The following CACNG4 variants were observed in gnomAD, a reference collection of about 807,000 sequenced individuals.
CACNG4 encodes the protein calcium voltage-gated channel auxiliary subunit gamma 4, also known as voltage-dependent calcium channel gamma-4 subunit.
Under a neutral mutation model 22.9 loss-of-function variants are expected in CACNG4, and 8 were observed. That is an observed-to-expected ratio of 0.35 (90% CI 0.21 to 0.63). The LOEUF (loss-of-function observed/expected upper bound fraction) is 0.63. Ranked by LOEUF, CACNG4 falls within the 30% of genes least tolerant of loss-of-function variation. CACNG4 has a pLI of 0.72. For synonymous variants in CACNG4, 188 were observed against 191.9 expected (o/e 0.98, Z 0.17); for missense variants, 357 against 455.4 (o/e 0.78, Z 1.97).
chr17:66,999,335 C>G (rs2035393713), intron 1 of CACNG4, among the ~76,000 whole-genome samples: 1 of 152,152 alleles, frequency 6.6e-6, no homozygotes. Flanking sequence ...AGCTCCCTGA[C>G]CCCAGGGCAC....
chr17:67,023,337 G>A (rs537645124), intron 2 of CACNG4, among the ~76,000 whole-genome samples: 10 of 140,848 alleles, frequency 7.1e-5, no homozygotes, highest in African/African-American at 2.6e-4. Context: ...GTGCAGTGGC[G>A]CGATCTTGGC....
chr17:67,000,102 C>T (rs150821173), intron 1 of CACNG4, among the ~76,000 whole-genome samples: 39 of 152,302 alleles, frequency 2.6e-4, no homozygotes, highest in African/African-American at 7.9e-4. Flanking sequence ...CTGGCTTCCA[C>T]GCAGCCTTCC....
rs116056395 is a variant in CACNG4, at chr17:66,993,256, G to A, written c.221-24933G>A. Among the ~76,000 whole-genome samples the A allele has an allele frequency of 8.2e-3, 1,244 of 152,350 alleles. 20 individuals are homozygous for A. The highest frequency in any genetic ancestry group is 0.028 in the African/African-American group (1,172 of 41,574). ...GGTTTTCCATCATTTATTAATGAGC[G>A]TTGGCAGCGGTCCTGTGAATTAAGG... On this transcript the variant is annotated intron_variant, in intron 1 of 3. Coordinates refer to ENST00000262138, the MANE Select transcript of CACNG4 (RefSeq NM_014405.4).
rs763385383 is a variant in CACNG4 at position 67,018,145 on chromosome 17, C to T, written c.221-44C>T. On this transcript the variant is annotated intron_variant, in intron 1 of 3. Transcript: ENST00000262138. ...TGTCTGGAGTGAACGGATGAGTGAA[C>T]CCAGACAGCATTTACAGTGTTCTTT... is the stretch of plus-strand genomic sequence containing the variant. 5 of 1,447,888 alleles carry T rather than the reference C, an allele frequency of 3.5e-6. No homozygotes were observed. The African/African-American group carries it at 4.2e-5, about 12-fold the overall frequency. The allele number at this position is 1,447,888 out of a possible 1,614,324, so 89.7% of individuals were successfully genotyped here.
chr17:67,031,072 T>A lies in CACNG4; in HGVS notation c.*68T>A, dbSNP rs1323186029. ...GCTCTTTTTGTCACACAGGATGGCA[T>A]GTGATCCTCAAGACGACGAACAATG... On this transcript the variant is annotated 3_prime_UTR_variant, in exon 4 of 4. Coordinates refer to ENST00000262138, the MANE Select transcript of CACNG4 (RefSeq NM_014405.4). This position sits in a 1 kb window ranked among gnomAD's most constrained non-coding sequence, Gnocchi z 4.0. The A allele has an allele frequency of 6.6e-7, 1 of 1,505,700 alleles. No individual in the cohort carries two copies. The highest frequency in any genetic ancestry group is 1.4e-5 in the African/African-American group (1 of 71,982). 93.3% of individuals were successfully genotyped at this position (1,505,700 alleles called of 1,614,324 possible).
intron 1 of CACNG4, among the ~76,000 whole-genome samples, chr17:66,965,808 C>G (rs1250853833): frequency 6.6e-6 from 1 of 152,104 alleles, no homozygotes; most frequent in Non-Finnish European, 1.5e-5. Context: ...CGACGCCCGC[C>G]TCGTCTCCCA....
chr17:66,976,758 C>T (rs1346568529), intron 1 of CACNG4, among the ~76,000 whole-genome samples: 2 of 152,132 alleles, frequency 1.3e-5, no homozygotes, highest in East Asian at 3.9e-4. Flanking sequence ...CCACACAGGA[C>T]ACAGTGACTT....
Position 67,030,387 on chromosome 17 carries a change from A to T in CACNG4, c.446-79A>T. On this transcript the variant is annotated intron_variant, in intron 3 of 3. Transcript: ENST00000262138. This position sits in a 1 kb window ranked among gnomAD's most constrained non-coding sequence, Gnocchi z 6.4. ...AGGGGAGTGTCCACCTGTTCCCTAC[A>T]CTGCCCGTCCCACTGTGGGTCTAAC... 7.9e-7 allele frequency: 1 copy of T among 1,261,104 alleles called. No homozygotes were observed. Among genetic ancestry groups the T allele is most frequent in the Non-Finnish European group, 1.1e-6 (1 of 883,404 alleles). The allele number at this position is 1,261,104 out of a possible 1,614,324, so 78.1% of individuals were successfully genotyped here. A position where few individuals can be genotyped will look rare whatever the true frequency, so the allele number is the denominator to read the frequency against.
intron 1 of CACNG4, among the ~76,000 whole-genome samples, chr17:66,968,038 A>G (rs2035180892): frequency 6.6e-6 from 1 of 152,194 alleles, no homozygotes; most frequent in Non-Finnish European, 1.5e-5. Flanking sequence ...AGCCTTGTGC[A>G]CATTACCGCG....
intron 1 of CACNG4, among the ~76,000 whole-genome samples, chr17:67,000,092 C>T (rs2035399207): frequency 6.6e-6 from 1 of 152,186 alleles, no homozygotes; most frequent in Non-Finnish European, 1.5e-5. Flanking sequence ...CTATTTCCAC[C>T]TGGCTTCCAC....
At chr17:67,007,522 G>C (rs1414476153) in intron 1 of CACNG4, among the ~76,000 whole-genome samples, 2 of 151,918 alleles carry the variant, frequency 1.3e-5, no homozygotes, top group African/African-American at 2.4e-5. Flanking sequence ...GATATGAAAG[G>C]TTGTAAAAAT....
At chr17:66,989,013 A>AGCGACTTTGGG (rs1555577221) in intron 1 of CACNG4, among the ~76,000 whole-genome samples, 1 of 145,730 alleles carries the variant, frequency 6.9e-6, no homozygotes, top group African/African-American at 2.6e-5. Context: ...GTGAGCCAAG[A>AGCGACTTTGGG]TCATGCCACT....
chr17:67,028,470 G>A (rs773809295), intron 3 of CACNG4, among the ~76,000 whole-genome samples: 20 of 151,704 alleles, frequency 1.3e-4, no homozygotes, highest in East Asian at 5.9e-4. Context: ...GGAGAATGGC[G>A]TGAACCCGGG....
rs1230238086 is a variant in CACNG4 at position 66,964,954 on chromosome 17, G to A, written c.43G>A (p.Ala15Thr). ...CGGGCTGCAGATGCTGCTGACCACG[G>A]CCGGAGCCTTCGCCGCCTTCTCGCT... is the stretch of plus-strand genomic sequence containing the variant. ...DRGLQMLLTTAGAFAAFSLMA... is the reference protein window; with the variant it reads ...DRGLQMLLTTTGAFAAFSLMA... The change falls in exon 1 of 4, where the codon GCC (alanine) becomes ACC (threonine). Residue 15 changes from alanine to threonine, a missense_variant. Physicochemically the swap from Ala to Thr is moderately conservative, Grantham distance 58. Coordinates refer to ENST00000262138, the MANE Select transcript of CACNG4 (RefSeq NM_014405.4). 36 of 1,606,062 alleles carry A rather than the reference G, an allele frequency of 2.2e-5. No individual in the cohort carries two copies. Among genetic ancestry groups the A allele is most frequent in the South Asian group, 5.5e-5 (5 of 90,608 alleles).
Position 67,030,912 on chromosome 17 carries a change from G to C in CACNG4, c.892G>C (p.Ala298Pro). 2 of 1,613,122 alleles carry C rather than the reference G, an allele frequency of 1.2e-6. No individual in the cohort carries two copies. The highest frequency in any genetic ancestry group is 1.7e-6 in the Non-Finnish European group (2 of 1,180,022). The change falls in exon 4 of 4, where the codon GCC becomes CCC. Residue 298 changes from alanine (A) to proline (P), a missense_variant. Around this residue, in one of 3 missense-constraint regions of CACNG4, gnomAD observed 240 missense variants for 277.6 expected, o/e 0.86. Transcript: ENST00000262138. The surrounding 1 kb of genome is among the most constrained non-coding windows in gnomAD (Gnocchi z 6.4). Reference sequence around the variant, plus strand: ...AGCCAGCTACAGCCCCGACCAGGAGGCCAGCTTCCTGCAGGTGCATGACTT... The same window carrying C: ...AGCCAGCTACAGCCCCGACCAGGAGCCCAGCTTCCTGCAGGTGCATGACTT... ...TAASYSPDQE[A>P]SFLQVHDFFQ...
rs773347421 is a variant in CACNG4 at position 67,025,013 on chromosome 17, C to T, written c.445+13C>T. On this transcript the variant is annotated intron_variant, in intron 3 of 3. Coordinates refer to ENST00000262138, the MANE Select transcript of CACNG4 (RefSeq NM_014405.4). Reference sequence around the variant, plus strand: ...TTCGTGGCTGCAGGTGAGCCGCCCGCCCGGGCTGGTGCTGGGCCGGGAGCT... The same window carrying T: ...TTCGTGGCTGCAGGTGAGCCGCCCGTCCGGGCTGGTGCTGGGCCGGGAGCT... 1.3e-6 allele frequency: 2 copies of T among 1,577,106 alleles called. No individual in the cohort carries two copies. The highest frequency in any genetic ancestry group is 1.7e-6 in the Non-Finnish European group (2 of 1,165,284).
At chr17:66,972,751 C>T (rs1014258900) in intron 1 of CACNG4, among the ~76,000 whole-genome samples, 2 of 151,462 alleles carry the variant, frequency 1.3e-5, no homozygotes, top group Non-Finnish European at 2.9e-5. Flanking sequence ...CATGGTGAAA[C>T]CCCGTCTCCG....
chr17:66,986,568 A>T (rs1368195599), intron 1 of CACNG4, among the ~76,000 whole-genome samples: 1 of 152,196 alleles, frequency 6.6e-6, no homozygotes, highest in Admixed American at 6.5e-5. Context: ...AGCAGAAGAC[A>T]TATGAGTGAG....
chr17:66,974,245 C>T (rs1435196825), intron 1 of CACNG4, among the ~76,000 whole-genome samples: 1 of 152,022 alleles, frequency 6.6e-6, no homozygotes, highest in Non-Finnish European at 1.5e-5. Context: ...GAGGCCAGGA[C>T]AAAGAAAGGA....
Sources: allele counts gnomAD v4.1 joint callset (sites outside exome capture counted in the v4.1 genomes callset), GRCh38; gene constraint gnomAD v4.1.1; regional missense constraint gnomAD v4.1.1; non-coding constraint Gnocchi (gnomAD v3.1); transcripts MANE v1.5; gene names NCBI Gene and HGNC (gene_info 2026-07-23, HGNC 2026-07-21).